The following KIR2DL3 variants were observed in gnomAD, a reference collection of about 807,000 sequenced individuals.
KIR2DL3 encodes the protein killer cell immunoglobulin like receptor, two Ig domains and long cytoplasmic tail 3.
In KIR2DL3, 39 loss-of-function variants were observed where a neutral mutation model predicts 33.8. That is an observed-to-expected ratio of 1.15 (90% CI 0.89 to 1.51). The LOEUF is 1.51. Ranked by LOEUF, KIR2DL3 falls within the 40% of genes most tolerant of loss-of-function variation. The pLI is 0.00. For synonymous variants in KIR2DL3, 174 were observed against 160.2 expected (o/e 1.09, Z -0.65); for missense variants, 462 against 426.2 (o/e 1.08, Z -0.74).
intron 2 of KIR2DL3, among the ~76,000 whole-genome samples, chr19:54,740,405 A>T (rs1278962371): frequency 6.6e-5 from 10 of 151,594 alleles, no homozygotes; most frequent in African/African-American, 2.4e-4. Flanking sequence ...CCTGTCCCTG[A>T]GCTCTACAAC....
chr19:54,749,482 C>T (rs1182625414), intron 5 of KIR2DL3, among the ~76,000 whole-genome samples: 1 of 114,462 alleles, frequency 8.7e-6, no homozygotes, highest in East Asian at 2.1e-4. Flanking sequence ...GATTTTCCTA[C>T]TTGTTTAATC....
At chr19:54,744,186 G>C (rs2071794746) in intron 4 of KIR2DL3, 98 bp downstream of exon 4, 2 of 1,552,558 alleles carry the variant, frequency 1.3e-6, no homozygotes, top group Middle Eastern at 3.4e-4. Context: ...CAGATGCAGA[G>C]AGAAGACGAA....
intron 4 of KIR2DL3, among the ~76,000 whole-genome samples, chr19:54,746,676 C>A (rs2072537421): frequency 6.7e-6 from 1 of 150,184 alleles, no homozygotes; most frequent in Non-Finnish European, 1.5e-5. Context: ...GAGTTCTTGG[C>A]ACCTTTGTCA....
chr19:54,752,942 C>G lies in KIR2DL3; in HGVS notation c.*423C>G. The G allele has an allele frequency of 3.9e-6, 1 of 253,646 alleles. No homozygotes were observed. The highest frequency in any genetic ancestry group is 7.6e-6 in the Non-Finnish European group (1 of 132,172). The allele number at this position is 253,646 out of a possible 1,614,324, so 15.7% of individuals were successfully genotyped here. On this transcript the variant is annotated 3_prime_UTR_variant, in exon 8 of 8. Coordinates refer to ENST00000342376, the MANE Select transcript of KIR2DL3 (RefSeq NM_015868.3). The stretch of plus-strand genomic sequence containing the variant: ...CTGTTCCACCTTCCCTCATGCTGTT[C>G]CACCTCCCCTCAGACTAGCTTTCAG...
intron 2 of KIR2DL3, among the ~76,000 whole-genome samples, chr19:54,740,196 G>C (rs1164472110): frequency 6.6e-6 from 1 of 152,036 alleles, no homozygotes; most frequent in Non-Finnish European, 1.5e-5. Context: ...AAAGCGAGGA[G>C]AATCTTCTGA....
At position 54,742,724 on chromosome 19, in the gene KIR2DL3, G is replaced by A. The variant is rs1270187124; in HGVS notation, c.370+445G>A. ...GGCACCTACAGGCCATGTTTATTCTGACACCTCTGCCTTCCATGTAATGGA... is the reference window on the plus strand; with the variant it reads ...GGCACCTACAGGCCATGTTTATTCTAACACCTCTGCCTTCCATGTAATGGA... On this transcript the variant is annotated intron_variant, in intron 3 of 7. Transcript: ENST00000342376. 3.3e-5 allele frequency among the ~76,000 whole-genome samples: 5 copies of A among 151,090 alleles called. No homozygotes were observed. In the East Asian group the frequency reaches 9.7e-4, roughly 29 times the overall value.
intron 7 of KIR2DL3, 39 bp from the exon 8 acceptor site, chr19:54,752,328 G>C: frequency 4.0e-6 from 6 of 1,483,204 alleles, no homozygotes; most frequent in Non-Finnish European, 4.6e-6. Flanking sequence ...CCTGGAAAAT[G>C]TGAGCACCCT....
chr19:54,740,877 G>A (rs1351595653), intron 2 of KIR2DL3, among the ~76,000 whole-genome samples: 38 of 152,152 alleles, frequency 2.5e-4, no homozygotes, highest in Non-Finnish European at 4.4e-4. Context: ...GAAGAGGGGA[G>A]TGGGGATTAG....
At chr19:54,749,061 A>G (rs1338619149) in intron 5 of KIR2DL3, among the ~76,000 whole-genome samples, 3 of 139,006 alleles carry the variant, frequency 2.2e-5, no homozygotes, top group African/African-American at 7.6e-5. Context: ...AGGATTTTGC[A>G]CACACAGCTG....
At chr19:54,742,364 G>C in intron 3 of KIR2DL3, 85 bp downstream of exon 3, 2 of 1,536,038 alleles carry the variant, frequency 1.3e-6, no homozygotes, top group Non-Finnish European at 1.8e-6. Context: ...TTGTAAGGAA[G>C]ATGAGCTTGG....
rs1330203945 is a variant in KIR2DL3, at chr19:54,750,006, A to G, written c.716-1643A>G. Among the ~76,000 whole-genome samples the G allele has an allele frequency of 3.8e-5, 5 of 130,344 alleles. 1 individual carries two copies. In the Admixed American group the frequency reaches 4.0e-4, roughly 11 times the overall value. 85.5% of individuals were successfully genotyped at this position (130,344 alleles called of 152,430 possible). A position where few individuals can be genotyped will look rare whatever the true frequency, so the allele number is the denominator to read the frequency against. ...CTATTTCTCTATAATTACTTCTTTGATCCTTTATCTTATCCATTAGGCAAT... is the reference window on the plus strand; with the variant it reads ...CTATTTCTCTATAATTACTTCTTTGGTCCTTTATCTTATCCATTAGGCAAT... On this transcript the variant is annotated intron_variant, in intron 5 of 7. Transcript: ENST00000342376.
At chr19:54,744,934 ATATATATATATATATATATATT>A (rs2072126562) in intron 4 of KIR2DL3, among the ~76,000 whole-genome samples, 3 of 24,640 alleles carry the variant, frequency 1.2e-4, no homozygotes, top group South Asian at 1.5e-3. Flanking sequence ...ATATATATAT[ATATATATATATATATATATATT>A]TTTTTTTTTT....
At chr19:54,747,191 A>G in intron 4 of KIR2DL3, 144 bp from the exon 5 acceptor site, 1 of 977,442 alleles carries the variant, frequency 1.0e-6, no homozygotes. Context: ...GTCACATACA[A>G]AAATTACGGA....
At chr19:54,752,125 T>C in intron 6 of KIR2DL3, 91 bp from the exon 7 acceptor site, 1 of 1,343,198 alleles carries the variant, frequency 7.4e-7, no homozygotes, top group South Asian at 1.4e-5. Flanking sequence ...CTCAGGCTCC[T>C]ATGGTCTCCC....
In KIR2DL3 at chr19:54,742,105, T is replaced by G; in HGVS notation, c.196T>G (p.Phe66Val). Residue 66 changes from phenylalanine (F) to valine (V), a missense_variant, in exon 3 of 8, where the codon TTT becomes GTT. Physicochemically the swap from Phe to Val is conservative, Grantham distance 50. Coordinates refer to ENST00000342376, the MANE Select transcript of KIR2DL3 (RefSeq NM_015868.3). ...QHFLLHREGKFKDTLHLIGEH... is the reference protein window; with the variant it reads ...QHFLLHREGKVKDTLHLIGEH... ...CTTCCTTCTGCACAGAGAAGGGAAGTTTAAGGACACTTTGCACCTCATTGG... is the reference window on the plus strand; with the variant it reads ...CTTCCTTCTGCACAGAGAAGGGAAGGTTAAGGACACTTTGCACCTCATTGG... The G allele has an allele frequency of 6.2e-7, 1 of 1,613,602 alleles. No individual in the cohort carries two copies. The highest frequency in any genetic ancestry group is 2.2e-5 in the East Asian group (1 of 44,862).
intron 3 of KIR2DL3, among the ~76,000 whole-genome samples, chr19:54,743,466 A>C (rs1312932247): frequency 1.3e-5 from 2 of 152,282 alleles, no homozygotes; most frequent in Non-Finnish European, 2.9e-5. Flanking sequence ...AATAGATAGA[A>C]ATATGCAGAA....
intron 3 of KIR2DL3, among the ~76,000 whole-genome samples, chr19:54,743,448 C>T (rs1396826228): frequency 1.4e-3 from 212 of 152,160 alleles, no homozygotes; most frequent in Non-Finnish European, 7.8e-4. Flanking sequence ...ATAGATAGAT[C>T]GACAGATAAT....
chr19:54,747,415 T>G (rs752133794), intron 5 of KIR2DL3, 30 bp downstream of exon 5: 22 of 1,607,118 alleles, frequency 1.4e-5, no homozygotes, highest in East Asian at 8.9e-5. Flanking sequence ...ATATCCGCTT[T>G]TGGAAACCTG....
rs1398307026 is a variant in KIR2DL3 at position 54,751,765 on chromosome 19, G to A, written c.820+12G>A. The A allele has an allele frequency of 6.9e-6, 10 of 1,448,862 alleles. 1 individual carries two copies. The highest frequency in any genetic ancestry group is 1.8e-5 in the Admixed American group (1 of 54,714). 89.8% of individuals were successfully genotyped at this position (1,448,862 alleles called of 1,614,324 possible). ...CTGCAACAAAAAAAGTAAGTCTCACGAAGCAGAGGCCAGAGAGCTCAGGGC... is the reference window on the plus strand; with the variant it reads ...CTGCAACAAAAAAAGTAAGTCTCACAAAGCAGAGGCCAGAGAGCTCAGGGC... On this transcript the variant is annotated intron_variant, in intron 6 of 7. Transcript: ENST00000342376.
Sources: gnomAD v4.1 joint callset for allele counts (sites outside exome capture counted in the v4.1 genomes callset) on GRCh38, gnomAD v4.1.1 for gene constraint, MANE v1.5 for transcripts, NCBI Gene and HGNC (gene_info 2026-07-23, HGNC 2026-07-21) for gene names.